Variants in NAA11 observed in about 807,000 individuals in gnomAD.
NAA11 encodes N-alpha-acetyltransferase 11, NatA catalytic subunit, also known as N-alpha-acetyltransferase 11.
A neutral mutation model predicts 16.1 loss-of-function variants in NAA11; 15 were observed. That is an observed-to-expected ratio of 0.93 (90% confidence interval 0.62 to 1.44). The LOEUF is 1.44. NAA11 is among the 40% of genes most tolerant of loss of function. NAA11 has a pLI of 0.00. For missense variants in NAA11, 298 were observed against 291.3 expected, an observed-to-expected ratio of 1.02 and a Z score of -0.17; for synonymous variants, 122 against 112.4, an observed-to-expected ratio of 1.09 and a Z score of -0.54.
In NAA11 at chr4:79,325,539, C is replaced by G. The variant is rs566378679; in HGVS notation, c.339G>C (p.Lys113Asn). Reference protein sequence around the residue: ...NAKYVSLHVRKSNRPALHLYS... With the variant: ...NAKYVSLHVRNSNRPALHLYS... ...AAAGGTGCAAGGCTGGCCGGTTACT[C>G]TTCCTGACGTGCAGAGACACGTATT... Residue 113 changes from lysine to asparagine, a missense_variant, in exon 1 of 2, where the codon AAG (lysine) becomes AAC (asparagine). Coordinates refer to ENST00000286794, the MANE Select transcript of NAA11 (RefSeq NM_032693.3). The G allele has an allele frequency of 6.2e-7, 1 of 1,614,146 alleles. No homozygotes were observed. The highest frequency in any genetic ancestry group is 8.5e-7 in the Non-Finnish European group (1 of 1,179,996).
chr4:79,312,992 GAA>G (rs1723823404), downstream of NAA11, among the ~76,000 whole-genome samples: 1 of 152,160 alleles, frequency 6.6e-6, no homozygotes, highest in Non-Finnish European at 1.5e-5. Context: ...TGAATGTATA[GAA>G]AGTTGGCTTG....
At chr4:79,262,185 A>T (rs1223401769) in intron 2 of NAA11, among the ~76,000 whole-genome samples, 1 of 152,202 alleles carries the variant, frequency 6.6e-6, no homozygotes, top group African/African-American at 2.4e-5. Flanking sequence ...CAATTATGTT[A>T]GTGGATCCAA....
intron 2 of NAA11, among the ~76,000 whole-genome samples, chr4:79,281,051 C>A (rs1008668906): frequency 6.6e-6 from 1 of 151,904 alleles, no homozygotes; most frequent in Non-Finnish European, 1.5e-5. Context: ...TTTCCAGGCT[C>A]CAGTGCAAAT....
At chr4:79,171,924 T>C in the NAA11 span, among the ~76,000 whole-genome samples, 1 of 152,186 alleles carries the variant, frequency 6.6e-6, no homozygotes, top group South Asian at 2.1e-4. Flanking sequence ...GAAAAGTGCC[T>C]AGCACAAATT....
intron 2 of NAA11, among the ~76,000 whole-genome samples, chr4:79,229,046 C>T (rs999688102): frequency 7.9e-5 from 12 of 151,818 alleles, no homozygotes; most frequent in African/African-American, 2.4e-4. Flanking sequence ...TAGTGTCTTT[C>T]GTAGTGCAGA....
intron 2 of NAA11, among the ~76,000 whole-genome samples, chr4:79,233,680 T>C (rs1721512651): frequency 1.3e-5 from 2 of 152,090 alleles, no homozygotes. Flanking sequence ...TTGTGGACTA[T>C]AGTTTGCCTC....
At chr4:79,277,658 C>T (rs573045959) in intron 2 of NAA11, among the ~76,000 whole-genome samples, 21 of 152,124 alleles carry the variant, frequency 1.4e-4, no homozygotes, top group Admixed American at 1.4e-3. Context: ...ATCACCTGCT[C>T]CACCCTAACT....
At chr4:79,319,470 C>G (rs1341746720) in intron 1 of NAA11, among the ~76,000 whole-genome samples, 2 of 152,098 alleles carry the variant, frequency 1.3e-5, no homozygotes, top group Non-Finnish European at 2.9e-5. Flanking sequence ...GAATCATTGC[C>G]CATTCAAAGA....
intron 2 of NAA11, among the ~76,000 whole-genome samples, chr4:79,241,178 T>C (rs1306125906): frequency 6.6e-6 from 1 of 152,152 alleles, no homozygotes; most frequent in Non-Finnish European, 1.5e-5. Flanking sequence ...CTACTCAACA[T>C]GAAGATGATA....
intron 2 of NAA11, among the ~76,000 whole-genome samples, chr4:79,272,614 G>T (rs6838491): frequency 0.025 from 3,799 of 152,020 alleles, 63 homozygotes; most frequent in Non-Finnish European, 0.039. Flanking sequence ...GATATTTAGG[G>T]TATGAATTAT....
chr4:79,222,900 A>G (rs1429680235), downstream of NAA11, among the ~76,000 whole-genome samples: 7 of 151,836 alleles, frequency 4.6e-5, no homozygotes, highest in Admixed American at 2.0e-4. Context: ...AAAAATGCTC[A>G]TCATCACTGG....
the NAA11 span, among the ~76,000 whole-genome samples, chr4:79,200,721 C>A: frequency 4.6e-5 from 7 of 151,830 alleles, no homozygotes; most frequent in South Asian, 1.2e-3. Flanking sequence ...ATTGAGTTTT[C>A]CTGTCATTGA....
intron 2 of NAA11, among the ~76,000 whole-genome samples, chr4:79,290,602 C>G (rs1723058312): frequency 6.6e-6 from 1 of 152,112 alleles, no homozygotes; most frequent in Admixed American, 6.5e-5. Context: ...ACAGTAGGCC[C>G]TGGCAGGCAC....
intron 2 of NAA11, among the ~76,000 whole-genome samples, chr4:79,270,298 G>T (rs1363356296): frequency 4.6e-5 from 7 of 151,922 alleles, no homozygotes; most frequent in African/African-American, 1.7e-4. Context: ...TAAATTCCTC[G>T]ACACATACAC....
At chr4:79,189,145 C>CAA in the NAA11 span, among the ~76,000 whole-genome samples, 1,076 of 42,218 alleles carry the variant, frequency 0.025, 137 homozygotes, top group African/African-American at 0.053. Context: ...GACTCCATCT[C>CAA]AAAAAAAAAA....
intron 2 of NAA11, among the ~76,000 whole-genome samples, chr4:79,266,282 C>A (rs1031580806): frequency 6.6e-5 from 10 of 152,212 alleles, no homozygotes; most frequent in African/African-American, 2.4e-4. Context: ...TCACACAGAG[C>A]AGTAGCTCTC....
downstream of NAA11, among the ~76,000 whole-genome samples, chr4:79,314,767 A>G (rs1271795167): frequency 6.6e-6 from 1 of 151,924 alleles, no homozygotes; most frequent in East Asian, 1.9e-4. Flanking sequence ...AAATTGAGTG[A>G]GAATTAGAAG....
intron 2 of NAA11, among the ~76,000 whole-genome samples, chr4:79,240,436 C>G (rs1023988890): frequency 2.0e-5 from 3 of 152,132 alleles, no homozygotes; most frequent in African/African-American, 4.8e-5. Flanking sequence ...GATGCCTTTT[C>G]TATAGCCAGA....
intron 2 of NAA11, among the ~76,000 whole-genome samples, chr4:79,266,183 A>G (rs1281970575): frequency 2.0e-5 from 3 of 152,148 alleles, no homozygotes; most frequent in Non-Finnish European, 4.4e-5. Context: ...GCCTCTGCCA[A>G]AGCCCTGCAC....
Sources: gnomAD v4.1 joint callset for allele counts (sites outside exome capture counted in the v4.1 genomes callset) on GRCh38, gnomAD v4.1.1 for gene constraint, MANE v1.5 for transcripts, NCBI Gene and HGNC (gene_info 2026-07-23, HGNC 2026-07-21) for gene names.